The following DGKI variants were observed in gnomAD, a reference collection of about 807,000 sequenced individuals.
The protein encoded by DGKI is diacylglycerol kinase iota.
Under a neutral mutation model 147.5 loss-of-function variants are expected in DGKI, and 55 were observed. The observed-to-expected ratio is 0.37, with a 90% confidence interval of 0.30 to 0.47. The LOEUF is 0.47. DGKI is among the 20% of genes least tolerant of loss of function. DGKI has a pLI of 1.00. For synonymous variants in DGKI, 469 were observed against 477.1 expected (o/e 0.98, Z 0.22); for missense variants, 1,007 against 1,323.8 (o/e 0.76, Z 3.71).
intron 28 of DGKI, among the ~76,000 whole-genome samples, chr7:137,438,933 C>G (rs866394727): frequency 6.6e-6 from 1 of 151,994 alleles, no homozygotes; most frequent in Non-Finnish European, 1.5e-5. Context: ...TATATATCCA[C>G]GTATCCATTC....
Position 137,391,026 on chromosome 7 carries a change from C to T in DGKI, c.*194G>A, listed in dbSNP as rs567048684. ...CCACAAATCTCCAGGTATCCTGCCT[C>T]CTTCTCAATGGGCTATCATGTTCTG... On this transcript the variant is annotated 3_prime_UTR_variant, in exon 33 of 33. Coordinates refer to ENST00000614521, the MANE Select transcript of DGKI (RefSeq NM_001321708.2). The T allele has an allele frequency of 3.5e-6, 2 of 578,898 alleles. No homozygotes were observed. Among genetic ancestry groups the T allele is most frequent in the South Asian group, 4.1e-5 (2 of 49,228 alleles). 35.9% of individuals were successfully genotyped at this position (578,898 alleles called of 1,614,324 possible).
chr7:137,836,849 C>T (rs73729049), intron 1 of DGKI, among the ~76,000 whole-genome samples: 3,029 of 152,282 alleles, frequency 0.02, 102 homozygotes, highest in African/African-American at 0.07. Flanking sequence ...CTCAGCCAAT[C>T]AACCTTTGTC....
chr7:137,595,402 A>G (rs1050589313), intron 12 of DGKI, among the ~76,000 whole-genome samples: 2 of 152,170 alleles, frequency 1.3e-5, no homozygotes, highest in Non-Finnish European at 2.9e-5. Flanking sequence ...TCCATATTCA[A>G]TGGTAACTTT....
intron 6 of DGKI, among the ~76,000 whole-genome samples, chr7:137,638,956 C>T (rs1585316460): frequency 6.6e-6 from 1 of 152,010 alleles, no homozygotes; most frequent in Non-Finnish European, 1.5e-5. Context: ...GCTCTCCTCA[C>T]CTGGCATCCA....
intron 32 of DGKI, among the ~76,000 whole-genome samples, chr7:137,392,238 A>G (rs1027255901): frequency 1.3e-5 from 2 of 149,906 alleles, no homozygotes; most frequent in African/African-American, 4.8e-5. Flanking sequence ...ATATATTTGT[A>G]TATATATATT....
intron 21 of DGKI, among the ~76,000 whole-genome samples, chr7:137,503,815 T>C (rs535578517): frequency 6.6e-6 from 1 of 152,292 alleles, no homozygotes; most frequent in South Asian, 2.1e-4. Flanking sequence ...GTCCTACCTA[T>C]AAAAACCATC....
At chr7:137,614,099 A>G (rs1585286705) in intron 8 of DGKI, among the ~76,000 whole-genome samples, 1 of 152,172 alleles carries the variant, frequency 6.6e-6, no homozygotes, top group Non-Finnish European at 1.5e-5. Flanking sequence ...TAAAAGATTG[A>G]GCACTATCAT....
At chr7:137,698,060 CTA>C (rs1210142872) in intron 1 of DGKI, among the ~76,000 whole-genome samples, 2 of 149,246 alleles carry the variant, frequency 1.3e-5, no homozygotes, top group African/African-American at 4.9e-5. Context: ...ATATAGATAT[CTA>C]TATATATCTC....
chr7:137,642,509 C>T (rs920358766), intron 6 of DGKI, among the ~76,000 whole-genome samples: 1 of 152,228 alleles, frequency 6.6e-6, no homozygotes, highest in Non-Finnish European at 1.5e-5. Context: ...AAACTCTCAT[C>T]AAATTACATA....
intron 5 of DGKI, among the ~76,000 whole-genome samples, chr7:137,648,781 A>G (rs1821921101): frequency 6.6e-6 from 1 of 152,188 alleles, no homozygotes. Context: ...ATAAGAGGGG[A>G]CTACTGTATA....
chr7:137,513,761 G>C, intron 21 of DGKI: 1 of 510,464 alleles, frequency 2.0e-6, no homozygotes, highest in Non-Finnish European at 3.7e-6. Flanking sequence ...TGGCATTTGG[G>C]TATCTAAAAT....
chr7:137,486,311 T>A (rs1815557125), intron 22 of DGKI, among the ~76,000 whole-genome samples: 1 of 152,126 alleles, frequency 6.6e-6, no homozygotes, highest in South Asian at 2.1e-4. Context: ...TTAATATTAT[T>A]CTACTGTGAA....
intron 21 of DGKI, among the ~76,000 whole-genome samples, chr7:137,511,231 A>T (rs543118521): frequency 2.0e-5 from 3 of 152,238 alleles, no homozygotes; most frequent in Non-Finnish European, 4.4e-5. Flanking sequence ...ATATATAAAA[A>T]ATACACATCC....
intron 27 of DGKI, among the ~76,000 whole-genome samples, chr7:137,451,753 G>A (rs184847882): frequency 5.1e-4 from 77 of 152,290 alleles, no homozygotes; most frequent in African/African-American, 1.7e-3. Flanking sequence ...TAAGCTCCAT[G>A]AAATGATCAA....
intron 1 of DGKI, among the ~76,000 whole-genome samples, chr7:137,740,526 C>T (rs1417416734): frequency 2.0e-5 from 3 of 152,138 alleles, no homozygotes; most frequent in Non-Finnish European, 4.4e-5. Flanking sequence ...AGTCACACTT[C>T]CCTACTTCAA....
At chr7:137,487,092 C>T (rs1024793659) in intron 22 of DGKI, among the ~76,000 whole-genome samples, 3 of 151,958 alleles carry the variant, frequency 2.0e-5, no homozygotes, top group Non-Finnish European at 4.4e-5. Flanking sequence ...GGGGTCACTT[C>T]CTTTCTGTTT....
chr7:137,726,715 A>G (rs1478408796), intron 1 of DGKI, among the ~76,000 whole-genome samples: 1 of 152,236 alleles, frequency 6.6e-6, no homozygotes, highest in Non-Finnish European at 1.5e-5. Context: ...AGAATGAGCT[A>G]AGAATTCCTA....
At chr7:137,484,933 A>C (rs566553125) in intron 23 of DGKI, among the ~76,000 whole-genome samples, 1 of 152,030 alleles carries the variant, frequency 6.6e-6, no homozygotes, top group Non-Finnish European at 1.5e-5. Context: ...TTGGACCACA[A>C]AGTCATCTAG....
chr7:137,739,895 T>C (rs568813038), intron 1 of DGKI, among the ~76,000 whole-genome samples: 2 of 152,318 alleles, frequency 1.3e-5, no homozygotes, highest in Admixed American at 6.5e-5. Context: ...CTGAGGTCTG[T>C]CTCTGCTAAG....
Sources: allele counts gnomAD v4.1 joint callset (sites outside exome capture counted in the v4.1 genomes callset), GRCh38; gene constraint gnomAD v4.1.1; transcripts MANE v1.5; gene names NCBI Gene and HGNC (gene_info 2026-07-23, HGNC 2026-07-21).